The following PTPRM variants were observed in gnomAD, a reference collection of about 807,000 sequenced individuals.
PTPRM encodes receptor-type tyrosine-protein phosphatase mu.
In PTPRM, 47 loss-of-function variants were observed where a neutral mutation model predicts 186.7. The observed-to-expected ratio is 0.25, with a 90% CI of 0.20 to 0.32. The LOEUF is 0.32. Ranked by LOEUF, PTPRM falls within the 10% of genes least tolerant of loss-of-function variation. PTPRM has a pLI of 1.00. For synonymous variants in PTPRM, 668 were observed against 674.9 expected (o/e 0.99, Z 0.16); for missense variants, 1,494 against 1,865.0 (o/e 0.80, Z 3.66).
chr18:8,210,323 TG>T (rs1456404715), intron 14 of PTPRM, among the ~76,000 whole-genome samples: 11 of 150,954 alleles, frequency 7.3e-5, no homozygotes, highest in African/African-American at 2.7e-4. Flanking sequence ...AAAAAGGGGT[TG>T]GGGGTGGGGT....
chr18:7,859,431 C>T (rs2047243679), intron 2 of PTPRM, among the ~76,000 whole-genome samples: 1 of 152,196 alleles, frequency 6.6e-6, no homozygotes, highest in Non-Finnish European at 1.5e-5. Flanking sequence ...GCTGGGCCAG[C>T]CAGGCCCATT....
At chr18:8,021,985 G>T (rs556457315) in intron 7 of PTPRM, among the ~76,000 whole-genome samples, 178 of 152,172 alleles carry the variant, frequency 1.2e-3, no homozygotes, top group African/African-American at 4.0e-3. Context: ...TTATAGATTT[G>T]TGGAATAAAA....
chr18:7,595,193 T>C (rs941291478), intron 1 of PTPRM, among the ~76,000 whole-genome samples: 1 of 152,188 alleles, frequency 6.6e-6, no homozygotes, highest in African/African-American at 2.4e-5. Flanking sequence ...TGCTGGACTA[T>C]TTTAATTTCC....
intron 23 of PTPRM, among the ~76,000 whole-genome samples, chr18:8,357,477 G>A (rs139668556): frequency 2.4e-4 from 36 of 152,240 alleles, no homozygotes; most frequent in African/African-American, 7.9e-4. Context: ...GCACATTTCC[G>A]TGTCTTTACC....
intron 7 of PTPRM, among the ~76,000 whole-genome samples, chr18:8,056,955 A>C (rs1189479552): frequency 6.6e-6 from 1 of 152,066 alleles, no homozygotes; most frequent in African/African-American, 2.4e-5. Flanking sequence ...AAACTCAGCT[A>C]TCTTTTCTGC....
At chr18:7,976,808 G>A (rs757314187) in intron 7 of PTPRM, among the ~76,000 whole-genome samples, 31 of 152,112 alleles carry the variant, frequency 2.0e-4, no homozygotes, top group East Asian at 3.9e-4. Flanking sequence ...TATAATAATT[G>A]TAGTCAAATG....
chr18:8,139,233 C>G (rs1484869937), intron 13 of PTPRM, among the ~76,000 whole-genome samples: 2 of 152,200 alleles, frequency 1.3e-5, no homozygotes, highest in Non-Finnish European at 2.9e-5. Context: ...GCAGCTGTGT[C>G]TGTCCAGTGA....
At chr18:7,829,262 C>T (rs574733135) in intron 2 of PTPRM, among the ~76,000 whole-genome samples, 1 of 152,250 alleles carries the variant, frequency 6.6e-6, no homozygotes, top group Admixed American at 6.5e-5. Context: ...ACAATATTTT[C>T]AGGAAACTTG....
chr18:8,109,880 T>G (rs1568356250), intron 11 of PTPRM, among the ~76,000 whole-genome samples: 1 of 152,176 alleles, frequency 6.6e-6, no homozygotes, highest in Non-Finnish European at 1.5e-5. Flanking sequence ...TCCCTTAGGT[T>G]CATTATTTAA....
At chr18:8,332,112 G>A (rs903182292) in intron 22 of PTPRM, among the ~76,000 whole-genome samples, 13 of 152,026 alleles carry the variant, frequency 8.6e-5, no homozygotes, top group Non-Finnish European at 8.8e-5. Flanking sequence ...GGAAGAAAAT[G>A]GCTATTGATT....
In PTPRM at chr18:8,372,056, C is replaced by CTTTTTTTTTTTTTT. The variant is rs557766971; in HGVS notation, c.3171+1063_3171+1076dup. On this transcript the variant is annotated intron_variant, in intron 24 of 32. Coordinates refer to ENST00000580170, the MANE Select transcript of PTPRM (RefSeq NM_001105244.2). ...TTGGCCTTCCTCTCCACTCTATATT[C>CTTTTTTTTTTTTTT]TTTTTTTTTTTTTTTTTTTTTTTTT... Among the ~76,000 whole-genome samples, 48 of 59,060 alleles carry CTTTTTTTTTTTTTT rather than the reference C, an allele frequency of 8.1e-4. 5 individuals carry two copies. Among genetic ancestry groups the CTTTTTTTTTTTTTT allele is most frequent in the Admixed American group, 1.3e-3 (7 of 5,350 alleles). The allele number at this position is 59,060 out of a possible 152,430, so 38.7% of individuals were successfully genotyped here.
intron 23 of PTPRM, among the ~76,000 whole-genome samples, chr18:8,348,319 G>A (rs1042098153): frequency 6.6e-5 from 10 of 152,210 alleles, no homozygotes; most frequent in African/African-American, 1.4e-4. Flanking sequence ...TGTTGGAGCC[G>A]CCAGGAGACC....
chr18:7,716,521 A>C (rs565740456), intron 1 of PTPRM, among the ~76,000 whole-genome samples: 1 of 152,224 alleles, frequency 6.6e-6, no homozygotes, highest in Non-Finnish European at 1.5e-5. Context: ...TCTGCACAAC[A>C]AAAGAAACTA....
At chr18:7,975,167 A>G (rs1214697076) in intron 7 of PTPRM, among the ~76,000 whole-genome samples, 1 of 152,208 alleles carries the variant, frequency 6.6e-6, no homozygotes, top group Admixed American at 6.5e-5. Flanking sequence ...TGCTGGTGAA[A>G]ATATAAAAAT....
intron 11 of PTPRM, among the ~76,000 whole-genome samples, chr18:8,107,318 C>T (rs1475690696): frequency 2.0e-5 from 3 of 152,132 alleles, no homozygotes; most frequent in African/African-American, 4.8e-5. Flanking sequence ...GATAGGTGGC[C>T]TTTTACAGAG....
At chr18:8,263,658 C>A (rs1365312498) in intron 19 of PTPRM, among the ~76,000 whole-genome samples, 3 of 152,068 alleles carry the variant, frequency 2.0e-5, no homozygotes, top group African/African-American at 7.2e-5. Flanking sequence ...AGAGTTGGAA[C>A]TTTTTCAGCC....
chr18:7,994,525 C>T (rs1370332078), intron 7 of PTPRM, among the ~76,000 whole-genome samples: 1 of 152,128 alleles, frequency 6.6e-6, no homozygotes, highest in African/African-American at 2.4e-5. Flanking sequence ...GCAGAATACA[C>T]CTTCTTCTCG....
At chr18:8,174,849 G>T (rs2093458352) in intron 14 of PTPRM, among the ~76,000 whole-genome samples, 1 of 152,194 alleles carries the variant, frequency 6.6e-6, no homozygotes, top group African/African-American at 2.4e-5. Context: ...AGCCTTAAAA[G>T]AACAAGAATC....
intron 1 of PTPRM, among the ~76,000 whole-genome samples, chr18:7,699,264 A>G (rs752692768): frequency 2.6e-5 from 4 of 152,186 alleles, no homozygotes; most frequent in African/African-American, 4.8e-5. Context: ...CTGCTGCTTT[A>G]AATACTCATT....
Sources: allele counts gnomAD v4.1 joint callset (sites outside exome capture counted in the v4.1 genomes callset), GRCh38; gene constraint gnomAD v4.1.1; transcripts MANE v1.5; gene names NCBI Gene and HGNC (gene_info 2026-07-23, HGNC 2026-07-21).